DCC: variants seen among roughly 807,000 people sequenced by gnomAD.
DCC encodes the protein DCC netrin 1 receptor.
DCC carries 58 observed loss-of-function variants against 172.5 expected under a neutral mutation model. The observed-to-expected ratio is 0.34, with a 90% confidence interval of 0.27 to 0.42. The LOEUF (loss-of-function observed/expected upper bound fraction) is 0.42, where lower values mean the gene tolerates loss of function less well. DCC is among the 10% of genes least tolerant of loss of function. The probability of loss-of-function intolerance (pLI) is 1.00; values close to 1 mark genes in which losing one functional copy is unlikely to be tolerated. For missense variants in DCC, 1,740 were observed against 1,791.0 expected (o/e 0.97, Z 0.51); for synonymous variants, 709 against 644.5 (o/e 1.10, Z -1.52).
chr18:52,588,592 GAA>G (rs1568242962), intron 1 of DCC, among the ~76,000 whole-genome samples: 1 of 152,194 alleles, frequency 6.6e-6, no homozygotes, highest in Admixed American at 6.5e-5. Flanking sequence ...TTGCTGGAAA[GAA>G]AGGTACATAT....
chr18:52,398,371 T>G, intron 1 of DCC, among the ~76,000 whole-genome samples: 1 of 152,032 alleles, frequency 6.6e-6, no homozygotes, highest in East Asian at 1.9e-4. Context: ...CTCTCATCTG[T>G]GGGTTTTTTC....
intron 5 of DCC, among the ~76,000 whole-genome samples, chr18:52,931,428 CT>C (rs33944607): frequency 0.39 from 59,557 of 151,828 alleles, 12,276 homozygotes; most frequent in Non-Finnish European, 0.47. Flanking sequence ...TTTTATTAGA[CT>C]CTTGTTTTGC....
intron 8 of DCC, among the ~76,000 whole-genome samples, chr18:53,170,970 C>G (rs1305509836): frequency 6.6e-6 from 1 of 152,168 alleles, no homozygotes; most frequent in Non-Finnish European, 1.5e-5. Context: ...ATGGCAACTT[C>G]TGCCTCCAGG....
At chr18:53,376,977 C>T (rs1021940288) in intron 15 of DCC, among the ~76,000 whole-genome samples, 4 of 152,150 alleles carry the variant, frequency 2.6e-5, no homozygotes, top group Non-Finnish European at 5.9e-5. Context: ...GCAATAGCTT[C>T]TGTAGTATTC....
In DCC at chr18:53,438,495, G is replaced by A. The variant is rs529423589; in HGVS notation, c.3229+3286G>A. 2.0e-5 allele frequency among the ~76,000 whole-genome samples: 3 copies of A among 152,248 alleles called. No individual in the cohort carries two copies. In the South Asian group the frequency reaches 6.2e-4, roughly 32 times the overall value. On this transcript the variant is annotated intron_variant, in intron 22 of 28. Transcript: ENST00000442544. ...TAATAGATAAAGAAAAATTATAAAA[G>A]GGATTGCCATCTCAATTTATATATG...
In DCC at chr18:53,448,047, G is replaced by T. The variant is rs1321719378; in HGVS notation, c.3230-2453G>T. ...CTATAATTTATTTAAATTTTGATGAGTTTTTTTTTTTTTTTTTTTTTTTAC... is the reference window on the plus strand; with the variant it reads ...CTATAATTTATTTAAATTTTGATGATTTTTTTTTTTTTTTTTTTTTTTTAC... On this transcript the variant is annotated intron_variant, in intron 22 of 28. Transcript: ENST00000442544. Among the ~76,000 whole-genome samples, 35 of 113,694 alleles carry T rather than the reference G, an allele frequency of 3.1e-4. 1 individual carries two copies. The highest frequency in any genetic ancestry group is 8.2e-4 in the East Asian group (3 of 3,646). The allele number at this position is 113,694 out of a possible 152,430, so 74.6% of individuals were successfully genotyped here. A position where few individuals can be genotyped will look rare whatever the true frequency, so the allele number is the denominator to read the frequency against.
intron 12 of DCC, among the ~76,000 whole-genome samples, chr18:53,260,283 T>C (rs1286662479): frequency 6.6e-6 from 1 of 152,146 alleles, no homozygotes; most frequent in East Asian, 1.9e-4. Flanking sequence ...GGCGTTCTGA[T>C]TTTTAGAGTT....
chr18:52,702,486 C>CA (rs1363841171), intron 1 of DCC, among the ~76,000 whole-genome samples: 1 of 152,110 alleles, frequency 6.6e-6, no homozygotes, highest in Admixed American at 6.6e-5. Flanking sequence ...TTGGTCAGTC[C>CA]TATTTATGCC....
chr18:53,199,030 G>C (rs934346514), intron 9 of DCC, among the ~76,000 whole-genome samples: 2 of 151,596 alleles, frequency 1.3e-5, no homozygotes, highest in Non-Finnish European at 2.9e-5. Context: ...GCTGTTAACG[G>C]TATTGATTTC....
At chr18:53,313,942 G>A (rs948470932) in intron 13 of DCC, among the ~76,000 whole-genome samples, 1 of 152,118 alleles carries the variant, frequency 6.6e-6, no homozygotes, top group Non-Finnish European at 1.5e-5. Context: ...AAATCGCAGG[G>A]TATTTGAAAA....
At chr18:52,363,915 C>T (rs982053702) in intron 1 of DCC, among the ~76,000 whole-genome samples, 4 of 152,166 alleles carry the variant, frequency 2.6e-5, no homozygotes, top group African/African-American at 7.2e-5. Flanking sequence ...TCACCCAGTC[C>T]TGGGAAACTC....
chr18:52,425,582 G>C (rs745852774), intron 1 of DCC, among the ~76,000 whole-genome samples: 88 of 152,208 alleles, frequency 5.8e-4, no homozygotes, highest in Non-Finnish European at 6.0e-4. Flanking sequence ...GTAGAAAATT[G>C]GCAACCTCCA....
chr18:53,467,846 G>C (rs201095004), intron 24 of DCC, 48 bp from the exon 25 acceptor site: 13 of 933,412 alleles, frequency 1.4e-5, no homozygotes, highest in Middle Eastern at 4.2e-4. Flanking sequence ...TAGGTAAAGT[G>C]TTGCATCCTT....
chr18:52,721,205 T>C (rs978320910), intron 1 of DCC, among the ~76,000 whole-genome samples: 5 of 152,174 alleles, frequency 3.3e-5, no homozygotes, highest in Admixed American at 3.3e-4. Context: ...AACAGGACCG[T>C]ATGGCAATGT....
chr18:53,516,705 C>A (rs1399312057), intron 27 of DCC, among the ~76,000 whole-genome samples: 1 of 150,036 alleles, frequency 6.7e-6, no homozygotes, highest in Admixed American at 6.6e-5. Flanking sequence ...AAATGCTTAT[C>A]ATCACTGGCC....
chr18:53,234,710 T>C (rs1598932385), intron 12 of DCC, among the ~76,000 whole-genome samples: 1 of 152,164 alleles, frequency 6.6e-6, no homozygotes, highest in African/African-American at 2.4e-5. Flanking sequence ...CTGACTCCAG[T>C]TTTTTACCTA....
chr18:53,187,375 G>A (rs2055298862), intron 9 of DCC, among the ~76,000 whole-genome samples: 1 of 151,922 alleles, frequency 6.6e-6, no homozygotes, highest in Admixed American at 6.6e-5. Context: ...GTCTGCCTCG[G>A]CCCCCCAAAG....
At chr18:52,343,694 A>G (rs1306935500) in intron 1 of DCC, among the ~76,000 whole-genome samples, 1 of 152,238 alleles carries the variant, frequency 6.6e-6, no homozygotes, top group Non-Finnish European at 1.5e-5. Flanking sequence ...TGAGGCATAC[A>G]TATTAATTAA....
chr18:52,437,527 G>C (rs907196519), intron 1 of DCC, among the ~76,000 whole-genome samples: 5 of 152,208 alleles, frequency 3.3e-5, no homozygotes, highest in Admixed American at 1.3e-4. Context: ...CAAAGGACCA[G>C]TTTAAATAAG....
Sources: gnomAD v4.1 joint callset for allele counts (sites outside exome capture counted in the v4.1 genomes callset) on GRCh38, gnomAD v4.1.1 for gene constraint, MANE v1.5 for transcripts, NCBI Gene and HGNC (gene_info 2026-07-23, HGNC 2026-07-21) for gene names.